Variants in TAOK3 observed in about 807,000 individuals in gnomAD.
TAOK3 encodes the protein serine/threonine-protein kinase TAO3.
In TAOK3, 40 loss-of-function variants were observed where a neutral mutation model predicts 120.4. The observed-to-expected ratio is 0.33, with a 90% CI of 0.26 to 0.43. The LOEUF (loss-of-function observed/expected upper bound fraction) is 0.43. Among genes scored for constraint, TAOK3 ranks in the 20% least tolerant of loss-of-function variants. The probability of loss-of-function intolerance (pLI) is 1.00; values close to 1 mark genes in which losing one functional copy is unlikely to be tolerated. For missense variants in TAOK3, 821 were observed against 1,112.1 expected (o/e 0.74, Z 3.72); for synonymous variants, 355 against 387.5 (o/e 0.92, Z 0.99).
intron 1 of TAOK3, among the ~76,000 whole-genome samples, chr12:118,308,837 G>T (rs2043148770): frequency 6.7e-6 from 1 of 149,318 alleles, no homozygotes; most frequent in African/African-American, 2.5e-5. Context: ...GGCTGAGGCA[G>T]GAGACTCGTT....
At chr12:118,258,698 A>T (rs969351082) in intron 2 of TAOK3, among the ~76,000 whole-genome samples, 2 of 150,800 alleles carry the variant, frequency 1.3e-5, no homozygotes, top group African/African-American at 4.9e-5. Context: ...GTGATGACAG[A>T]GCAAGACTCT....
rs2035234942 is a variant in TAOK3 at position 118,161,769 on chromosome 12, C to A, written c.2139+19G>T. ...AACCACTGATCTGGTCCAACACTGT[C>A]CAGCAGCACAAATCTTACCTTTAAG... is the stretch of plus-strand genomic sequence containing the variant. On this transcript the variant is annotated intron_variant, in intron 18 of 20. Coordinates refer to ENST00000392533, the MANE Select transcript of TAOK3 (RefSeq NM_016281.4). The surrounding 1 kb of genome is among the most constrained non-coding windows in gnomAD (Gnocchi z 4.5). The A allele has an allele frequency of 6.2e-7, 1 of 1,613,772 alleles. No homozygotes were observed. Among genetic ancestry groups the A allele is most frequent in the African/African-American group, 1.3e-5 (1 of 75,022 alleles).
intron 1 of TAOK3, among the ~76,000 whole-genome samples, chr12:118,340,550 A>T (rs1203040452): frequency 6.6e-6 from 1 of 152,126 alleles, no homozygotes; most frequent in East Asian, 1.9e-4. Flanking sequence ...ATTTTTATAA[A>T]CCTCATAGAT....
intron 1 of TAOK3, among the ~76,000 whole-genome samples, chr12:118,354,441 A>C (rs1309208620): frequency 6.6e-6 from 1 of 152,176 alleles, no homozygotes; most frequent in Non-Finnish European, 1.5e-5. Context: ...AGATTTCATC[A>C]CACTACTCAA....
intron 14 of TAOK3, among the ~76,000 whole-genome samples, chr12:118,184,010 G>A (rs964274785): frequency 6.6e-6 from 1 of 152,202 alleles, no homozygotes; most frequent in Non-Finnish European, 1.5e-5. Flanking sequence ...TGTCTGTAAA[G>A]AGGGTGGCTT....
chr12:118,278,500 T>A (rs996396088), intron 1 of TAOK3, among the ~76,000 whole-genome samples: 1 of 152,182 alleles, frequency 6.6e-6, no homozygotes, highest in Non-Finnish European at 1.5e-5. Flanking sequence ...CTGCATAGTA[T>A]TCCATGGTGT....
At chr12:118,237,933 T>G in intron 7 of TAOK3, 140 bp downstream of exon 7, 1 of 551,268 alleles carries the variant, frequency 1.8e-6, no homozygotes, top group Non-Finnish European at 3.3e-6. Context: ...AACTTTATCC[T>G]TTATATCCAG....
At chr12:118,162,107 G>C in intron 17 of TAOK3, 80 bp from the exon 18 acceptor site, 23 of 1,524,390 alleles carry the variant, frequency 1.5e-5, no homozygotes, top group Non-Finnish European at 1.8e-5. Context: ...GTGAGGGAGG[G>C]CAAGGAATGG....
chr12:118,219,896 G>A (rs2039143001), intron 9 of TAOK3, among the ~76,000 whole-genome samples: 4 of 148,384 alleles, frequency 2.7e-5, no homozygotes, highest in Non-Finnish European at 5.9e-5. Context: ...TTATAGGCAT[G>A]AGCGACCATG....
intron 1 of TAOK3, among the ~76,000 whole-genome samples, chr12:118,292,141 T>C (rs1053196040): frequency 5.3e-5 from 8 of 152,176 alleles, no homozygotes; most frequent in Admixed American, 4.6e-4. Flanking sequence ...CTATACAATA[T>C]TTTTTCCCCG....
rs56743940 is a variant in TAOK3, at chr12:118,289,633, A to T, written c.-193-22874T>A. On this transcript the variant is annotated intron_variant, in intron 1 of 20. Coordinates refer to ENST00000392533, the MANE Select transcript of TAOK3 (RefSeq NM_016281.4). ...ATTCCTCAAGATGTAAGTAATTACA[A>T]GTACTTCCCTGTTTAGATATTTAAA... Among the ~76,000 whole-genome samples, 982 of 152,328 alleles carry T rather than the reference A, an allele frequency of 6.4e-3. 13 individuals carry two copies. Among genetic ancestry groups the T allele is most frequent in the African/African-American group, 0.022 (929 of 41,556 alleles).
chr12:118,181,626 C>G lies in TAOK3; in HGVS notation c.1330-19G>C. 2 of 1,609,710 alleles carry G rather than the reference C, an allele frequency of 1.2e-6. No homozygotes were observed. The highest frequency in any genetic ancestry group is 8.5e-7 in the Non-Finnish European group (1 of 1,176,490). On this transcript the variant is annotated intron_variant, in intron 14 of 20. Coordinates refer to ENST00000392533, the MANE Select transcript of TAOK3 (RefSeq NM_016281.4). ...GTGTAACCTGAATTGGGTTAGGAAA[C>G]AGAACTCAGGTAACCAGGTTCATGG...
At chr12:118,251,106 A>G (rs2040732366) in intron 3 of TAOK3, among the ~76,000 whole-genome samples, 1 of 152,020 alleles carries the variant, frequency 6.6e-6, no homozygotes, top group Non-Finnish European at 1.5e-5. Flanking sequence ...TTTATAGGGA[A>G]AGGGGATGGG....
At chr12:118,302,841 T>G (rs1490181532) in intron 1 of TAOK3, among the ~76,000 whole-genome samples, 4 of 152,198 alleles carry the variant, frequency 2.6e-5, no homozygotes, top group African/African-American at 9.6e-5. Flanking sequence ...ACAGCATTTT[T>G]TTTCTACAAG....
At chr12:118,211,760 C>T (rs1210697365) in intron 11 of TAOK3, among the ~76,000 whole-genome samples, 1 of 151,980 alleles carries the variant, frequency 6.6e-6, no homozygotes, top group Non-Finnish European at 1.5e-5. Context: ...GGATTATAGG[C>T]GTGAGCCACC....
chr12:118,329,374 T>C (rs1296073966), intron 1 of TAOK3, among the ~76,000 whole-genome samples: 1 of 152,140 alleles, frequency 6.6e-6, no homozygotes, highest in Non-Finnish European at 1.5e-5. Flanking sequence ...AGGATACGAA[T>C]TGCAAAGCAA....
chr12:118,267,599 A>G (rs1308517548), intron 1 of TAOK3, among the ~76,000 whole-genome samples: 1 of 151,212 alleles, frequency 6.6e-6, no homozygotes, highest in Non-Finnish European at 1.5e-5. Flanking sequence ...ATTAAGAAAA[A>G]AATCCGGCCG....
intron 17 of TAOK3, among the ~76,000 whole-genome samples, chr12:118,170,034 A>G (rs1209191464): frequency 6.6e-6 from 1 of 152,144 alleles, no homozygotes; most frequent in African/African-American, 2.4e-5. Context: ...CTCGTATCTT[A>G]GTATATGTCA....
intron 12 of TAOK3, chr12:118,199,637 A>G (rs963882182): frequency 3.7e-6 from 1 of 269,660 alleles, no homozygotes; most frequent in Non-Finnish European, 7.3e-6. Flanking sequence ...TAAACAGGTG[A>G]GCTCTAGGAT....
Sources: allele counts gnomAD v4.1 joint callset (sites outside exome capture counted in the v4.1 genomes callset), GRCh38; gene constraint gnomAD v4.1.1; non-coding constraint Gnocchi (gnomAD v3.1); transcripts MANE v1.5; gene names NCBI Gene and HGNC (gene_info 2026-07-23, HGNC 2026-07-21).